Variants in NOL4 observed in about 807,000 individuals in gnomAD.
NOL4 encodes the protein cancer/testis antigen 125.
In NOL4, 17 loss-of-function variants were observed where a neutral mutation model predicts 75.9. That is an observed-to-expected ratio of 0.22 (90% CI 0.15 to 0.34). NOL4 has a LOEUF of 0.34. NOL4 is among the 10% of genes least tolerant of loss of function. The pLI is 1.00. For synonymous variants in NOL4, 292 were observed against 289.9 expected, an observed-to-expected ratio of 1.01 and a Z score of -0.07; for missense variants, 614 against 793.5, an observed-to-expected ratio of 0.77 and a Z score of 2.72.
chr18:33,981,513 A>C (rs986984164), intron 6 of NOL4, among the ~76,000 whole-genome samples: 1 of 152,066 alleles, frequency 6.6e-6, no homozygotes, highest in Non-Finnish European at 1.5e-5. Flanking sequence ...GAGGCAAACA[A>C]AAAGATTGGA....
Position 34,223,463 on chromosome 18 carries a change from G to A in NOL4, c.-210C>T, listed in dbSNP as rs1394749396. The A allele has an allele frequency of 1.1e-5, 7 of 632,946 alleles. No individual in the cohort carries two copies. In the East Asian group the frequency reaches 1.9e-4, roughly 18 times the overall value. The allele number at this position is 632,946 out of a possible 1,614,324, so 39.2% of individuals were successfully genotyped here. A position where few individuals can be genotyped will look rare whatever the true frequency, so the allele number is the denominator to read the frequency against. On this transcript the variant is annotated 5_prime_UTR_variant, in exon 1 of 11. Coordinates refer to ENST00000261592, the MANE Select transcript of NOL4 (RefSeq NM_003787.5). Reference sequence around the variant, plus strand: ...TCAATGCCCCGTGCTACCAAGTCTGGTCCATTCGTAATTGCAACGGCTGTC... The same window carrying A: ...TCAATGCCCCGTGCTACCAAGTCTGATCCATTCGTAATTGCAACGGCTGTC...
chr18:34,179,323 TCAAGA>T (rs1485312761), intron 1 of NOL4, among the ~76,000 whole-genome samples: 1 of 150,038 alleles, frequency 6.7e-6, no homozygotes, highest in African/African-American at 2.4e-5. Flanking sequence ...CACACTAAAC[TCAAGA>T]CAAGCAGAAA....
chr18:34,062,166 G>T (rs1417943437), intron 5 of NOL4, among the ~76,000 whole-genome samples: 1 of 151,870 alleles, frequency 6.6e-6, no homozygotes, highest in Non-Finnish European at 1.5e-5. Context: ...GTTCACCGAC[G>T]TAACAAACCT....
intron 9 of NOL4, among the ~76,000 whole-genome samples, chr18:33,924,193 G>C (rs77817109): frequency 0.033 from 5,086 of 152,244 alleles, 95 homozygotes; most frequent in East Asian, 0.053. Flanking sequence ...TATCAGGTCA[G>C]CTCCCTGCAG....
At chr18:34,167,104 A>G (rs1336563439) in intron 1 of NOL4, among the ~76,000 whole-genome samples, 2 of 151,340 alleles carry the variant, frequency 1.3e-5, no homozygotes, top group South Asian at 4.2e-4. Flanking sequence ...TATATAGTAT[A>G]ACAACTATTT....
At chr18:33,977,335 C>T in intron 6 of NOL4, among the ~76,000 whole-genome samples, 1 of 152,076 alleles carries the variant, frequency 6.6e-6, no homozygotes, top group Non-Finnish European at 1.5e-5. Flanking sequence ...ATGGAGGGAC[C>T]CAATGGGAGG....
chr18:34,085,392 A>C (rs1469498320), intron 5 of NOL4, among the ~76,000 whole-genome samples: 1 of 152,208 alleles, frequency 6.6e-6, no homozygotes, highest in East Asian at 1.9e-4. Flanking sequence ...CAAAACCAAA[A>C]GAGCAATATC....
chr18:34,127,265 C>T (rs1256359751), intron 2 of NOL4, among the ~76,000 whole-genome samples: 1 of 151,768 alleles, frequency 6.6e-6, no homozygotes, highest in Non-Finnish European at 1.5e-5. Flanking sequence ...ACCACCATTT[C>T]CTGCAGAGTG....
At chr18:34,088,283 C>A (rs1287834225) in intron 5 of NOL4, among the ~76,000 whole-genome samples, 1 of 151,920 alleles carries the variant, frequency 6.6e-6, no homozygotes, top group Non-Finnish European at 1.5e-5. Context: ...TTAAAAATAA[C>A]CCCAGACAAG....
intron 6 of NOL4, among the ~76,000 whole-genome samples, chr18:34,011,193 C>T (rs1442721214): frequency 2.0e-5 from 3 of 151,516 alleles, no homozygotes; most frequent in Admixed American, 2.0e-4. Flanking sequence ...GAGACCATCA[C>T]ATATACCTTA....
chr18:33,968,337 T>C (rs905047762), intron 6 of NOL4, among the ~76,000 whole-genome samples: 1 of 152,116 alleles, frequency 6.6e-6, no homozygotes, highest in African/African-American at 2.4e-5. Flanking sequence ...CAATTATATG[T>C]TCATCACAGG....
At chr18:34,164,870 A>G (rs1192301258) in intron 1 of NOL4, among the ~76,000 whole-genome samples, 6 of 152,110 alleles carry the variant, frequency 3.9e-5, no homozygotes, top group African/African-American at 1.4e-4. Flanking sequence ...GAGTGGATTA[A>G]GAAAATGTGG....
chr18:34,112,396 A>G (rs183890344), intron 2 of NOL4, among the ~76,000 whole-genome samples: 15 of 152,182 alleles, frequency 9.9e-5, no homozygotes, highest in Admixed American at 4.6e-4. Context: ...TGGGGACAAT[A>G]TAAGTGTCTA....
In NOL4 at chr18:34,131,073, G is replaced by GACACAC. The variant is rs35968611; in HGVS notation, c.265-1059_265-1054dup. On this transcript the variant is annotated intron_variant, in intron 1 of 10. Transcript: ENST00000261592. Reference sequence around the variant, plus strand: ...ACACATACACACACACACATACACCGACACACACACACACACACACACACA... The same window carrying GACACAC: ...ACACATACACACACACACATACACCGACACACACACACACACACACACACACACACA... Among the ~76,000 whole-genome samples, 882 of 145,422 alleles carry GACACAC rather than the reference G, an allele frequency of 6.1e-3. 6 individuals are homozygous for GACACAC. The highest frequency in any genetic ancestry group is 0.016 in the African/African-American group (652 of 39,602).
intron 6 of NOL4, among the ~76,000 whole-genome samples, chr18:33,963,478 T>G (rs1193229694): frequency 6.6e-6 from 1 of 152,122 alleles, no homozygotes; most frequent in Non-Finnish European, 1.5e-5. Flanking sequence ...AATAAGAACT[T>G]TGGATGACTA....
At chr18:34,075,521 T>A (rs75914192) in intron 5 of NOL4, among the ~76,000 whole-genome samples, 2,492 of 152,252 alleles carry the variant, frequency 0.016, 66 homozygotes, top group African/African-American at 0.056. Context: ...TGTGGCATCA[T>A]GTTGGCACTC....
chr18:34,067,319 AG>A (rs1353281596), intron 5 of NOL4, among the ~76,000 whole-genome samples: 1 of 152,204 alleles, frequency 6.6e-6, no homozygotes, highest in Non-Finnish European at 1.5e-5. Flanking sequence ...GAGGAGCAGC[AG>A]GGAGGCTGTT....
intron 5 of NOL4, among the ~76,000 whole-genome samples, chr18:34,059,154 T>TATATATATATAC (rs2076965593): frequency 7.3e-6 from 1 of 136,130 alleles, no homozygotes; most frequent in African/African-American, 2.7e-5. Flanking sequence ...TATATATATA[T>TATATATATATAC]ATACACATGC....
chr18:34,193,780 C>A (rs1342181010), intron 1 of NOL4, among the ~76,000 whole-genome samples: 1 of 152,118 alleles, frequency 6.6e-6, no homozygotes, highest in Non-Finnish European at 1.5e-5. Context: ...AATATCTATA[C>A]TCTCATGTTC....
Sources: gnomAD v4.1 joint callset for allele counts (sites outside exome capture counted in the v4.1 genomes callset) on GRCh38, gnomAD v4.1.1 for gene constraint, MANE v1.5 for transcripts, NCBI Gene and HGNC (gene_info 2026-07-23, HGNC 2026-07-21) for gene names.